The following UST variants were observed in gnomAD, a reference collection of about 807,000 sequenced individuals.
The protein encoded by UST is uronyl 2-sulfotransferase, also known as chondroitin sulfate 2-O-sulfotransferase.
A neutral mutation model predicts 45.6 loss-of-function variants in UST; 21 were observed. The ratio of observed to expected loss-of-function variants is 0.46; its 90% CI spans 0.33 to 0.66. The LOEUF (loss-of-function observed/expected upper bound fraction) is 0.66, where lower values mean the gene tolerates loss of function less well. Ranked by LOEUF, UST falls within the 30% of genes least tolerant of loss-of-function variation. The pLI, the probability that UST is intolerant of heterozygous loss-of-function variation, is 0.02. For missense variants in UST, 463 were observed against 512.4 expected, an observed-to-expected ratio of 0.90 and a Z score of 0.93; for synonymous variants, 215 against 200.6, an observed-to-expected ratio of 1.07 and a Z score of -0.61.
intron 2 of UST, among the ~76,000 whole-genome samples, chr6:148,913,882 A>C (rs9390629): frequency 0.4 from 60,408 of 151,740 alleles, 12,479 homozygotes; most frequent in South Asian, 0.58. Context: ...TATATACATT[A>C]ATCTTCTAGC....
In UST at chr6:149,021,471, C is replaced by T; in HGVS notation, c.927C>T (p.Tyr309=). The T allele has an allele frequency of 6.2e-7, 1 of 1,614,082 alleles. No homozygotes were observed. Among genetic ancestry groups the T allele is most frequent in the African/African-American group, 1.3e-5 (1 of 75,022 alleles). Residue 309 remains tyrosine, a synonymous_variant, in exon 7 of 8, where the codon TAC becomes TAT. Coordinates refer to ENST00000367463, the MANE Select transcript of UST (RefSeq NM_005715.3). ...ACTTCAAGGGCGTGCTCAGTATCTA[C>T]AAAGACCCAGGTAACTTCATTTGTA... ...PHYFKGVLSI[Y]KDPEHRKLGN...
intron 2 of UST, among the ~76,000 whole-genome samples, chr6:148,920,654 G>C (rs149724377): frequency 0.029 from 4,431 of 152,204 alleles, 226 homozygotes; most frequent in African/African-American, 0.1. Flanking sequence ...TCAGCCTCCT[G>C]AGTAGCTGGG....
chr6:148,922,422 G>C (rs1187169346), intron 2 of UST, among the ~76,000 whole-genome samples: 1 of 152,034 alleles, frequency 6.6e-6, no homozygotes. Context: ...GTCCATGTAG[G>C]AGGTATCAGT....
chr6:148,852,731 A>G (rs1009241916), intron 1 of UST, among the ~76,000 whole-genome samples: 1 of 152,110 alleles, frequency 6.6e-6, no homozygotes, highest in East Asian at 1.9e-4. Flanking sequence ...CTCAGGTAGC[A>G]TCTTCCCCGG....
At chr6:148,864,447 C>A (rs1172255212) in intron 1 of UST, among the ~76,000 whole-genome samples, 1 of 152,260 alleles carries the variant, frequency 6.6e-6, no homozygotes, top group Non-Finnish European at 1.5e-5. Context: ...ACCCCTTGCA[C>A]TTCCCGGGTG....
chr6:148,757,372 T>C (rs2114650817), intron 1 of UST, among the ~76,000 whole-genome samples: 1 of 152,348 alleles, frequency 6.6e-6, no homozygotes, highest in Middle Eastern at 3.4e-3. Flanking sequence ...AGAATAGCTG[T>C]TATTTCTGTA....
At chr6:148,789,030 C>T (rs1165377404) in intron 1 of UST, among the ~76,000 whole-genome samples, 1 of 152,158 alleles carries the variant, frequency 6.6e-6, no homozygotes, top group East Asian at 1.9e-4. Context: ...ACCTACTTAG[C>T]GTTGTCTTAG....
intron 2 of UST, among the ~76,000 whole-genome samples, chr6:148,894,893 C>A (rs1582882775): frequency 7.0e-6 from 1 of 142,712 alleles, no homozygotes; most frequent in African/African-American, 2.7e-5. Flanking sequence ...TCTTGGCTCA[C>A]TGCAACCTCC....
chr6:148,866,013 A>G (rs576534032), intron 1 of UST, among the ~76,000 whole-genome samples: 1 of 152,122 alleles, frequency 6.6e-6, no homozygotes, highest in East Asian at 1.9e-4. Flanking sequence ...GTGTGTATGT[A>G]TATGTATATG....
At chr6:148,800,656 A>G (rs1041057274) in intron 1 of UST, among the ~76,000 whole-genome samples, 3 of 151,522 alleles carry the variant, frequency 2.0e-5, no homozygotes, top group Non-Finnish European at 4.4e-5. Context: ...GGGATTGCCA[A>G]AAAAAAAGGG....
intron 1 of UST, among the ~76,000 whole-genome samples, chr6:148,804,810 A>G (rs1777116137): frequency 6.7e-6 from 1 of 149,636 alleles, no homozygotes; most frequent in Non-Finnish European, 1.5e-5. Flanking sequence ...TACTATTTTT[A>G]TATGTAAATA....
intron 5 of UST, among the ~76,000 whole-genome samples, chr6:148,972,821 C>G (rs1780945205): frequency 6.6e-6 from 1 of 152,172 alleles, no homozygotes; most frequent in African/African-American, 2.4e-5. Context: ...ACTACTGATT[C>G]CTGGGTCCCA....
intron 2 of UST, among the ~76,000 whole-genome samples, chr6:148,888,610 A>G (rs1184567018): frequency 3.3e-5 from 5 of 152,236 alleles, no homozygotes; most frequent in African/African-American, 4.8e-5. Flanking sequence ...GAGCTGATGT[A>G]TGATGAACAC....
intron 7 of UST, among the ~76,000 whole-genome samples, chr6:149,072,037 G>A (rs1208025568): frequency 6.9e-6 from 1 of 144,278 alleles, no homozygotes; most frequent in African/African-American, 2.4e-5. Flanking sequence ...TTTTAAAAAG[G>A]GAGGAAAATA....
At chr6:148,971,651 C>T (rs557625969) in intron 5 of UST, among the ~76,000 whole-genome samples, 4 of 152,204 alleles carry the variant, frequency 2.6e-5, no homozygotes, top group East Asian at 3.9e-4. Context: ...GAACACAGCA[C>T]GGAGGAAGAA....
chr6:149,011,145 G>A (rs1361968727), intron 5 of UST, among the ~76,000 whole-genome samples: 2 of 152,132 alleles, frequency 1.3e-5, no homozygotes, highest in African/African-American at 4.8e-5. Flanking sequence ...CCTGTCATTT[G>A]CAATGACGTG....
At chr6:148,988,573 CAAA>C (rs760248567) in intron 5 of UST, among the ~76,000 whole-genome samples, 3 of 86,918 alleles carry the variant, frequency 3.5e-5, no homozygotes, top group African/African-American at 1.3e-4. Context: ...GACCCTGTCT[CAAA>C]AAAAAAAAAA....
chr6:148,791,671 T>C (rs1224058365), intron 1 of UST, among the ~76,000 whole-genome samples: 1 of 152,172 alleles, frequency 6.6e-6, no homozygotes, highest in Non-Finnish European at 1.5e-5. Context: ...TTTCCTAGAT[T>C]TTCTGTTTTT....
chr6:148,979,384 A>C (rs546920454), intron 5 of UST, among the ~76,000 whole-genome samples: 48 of 152,334 alleles, frequency 3.2e-4, no homozygotes, highest in African/African-American at 1.1e-3. Flanking sequence ...CCTTGCTTTA[A>C]TTACGGCAGC....
Sources: gnomAD v4.1 joint callset for allele counts (sites outside exome capture counted in the v4.1 genomes callset) on GRCh38, gnomAD v4.1.1 for gene constraint, MANE v1.5 for transcripts, NCBI Gene and HGNC (gene_info 2026-07-23, HGNC 2026-07-21) for gene names.